ZNF837: variants seen among roughly 807,000 people sequenced by gnomAD.
The protein encoded by ZNF837 is zinc finger protein 837.
For synonymous variants in ZNF837, 475 were observed against 365.2 expected, an observed-to-expected ratio of 1.30 and a Z score of -3.43; for missense variants, 955 against 801.7, an observed-to-expected ratio of 1.19 and a Z score of -2.31.
chr19:58,368,823 G>A lies in ZNF837; in HGVS notation c.510C>T (p.Cys170=), dbSNP rs1289183084. 12 of 1,546,454 alleles carry A rather than the reference G, an allele frequency of 7.8e-6. No homozygotes were observed. Among genetic ancestry groups the A allele is most frequent in the South Asian group, 3.6e-5 (3 of 84,048 alleles). ...AGGTCGGAGCGCCAGTCCCTGGTTG[G>A]CACGGCCAACAGTCCGTGTGGACCT... ...LCEVHTDCWP[C]QPGTGAPTCP... is the part of the protein sequence containing the mutation. Residue 170 remains cysteine (C), a synonymous_variant, in exon 3 of 3, where the codon TGC becomes TGT. Coordinates refer to ENST00000597582, the MANE Select transcript of ZNF837 (RefSeq NM_138466.2).
intron 1 of ZNF837, among the ~76,000 whole-genome samples, chr19:58,375,718 T>A (rs1384051490): frequency 6.6e-6 from 1 of 151,646 alleles, no homozygotes; most frequent in Non-Finnish European, 1.5e-5. Context: ...AGTGCTGGGA[T>A]TACAGGTGTG....
At chr19:58,375,895 GTTTA>G (rs926217192) in intron 1 of ZNF837, among the ~76,000 whole-genome samples, 29 of 151,836 alleles carry the variant, frequency 1.9e-4, no homozygotes, top group Admixed American at 1.7e-3. Flanking sequence ...GATGAAGGTG[GTTTA>G]TTTATTTATT....
chr19:58,378,663 A>T (rs1355132779), intron 1 of ZNF837, among the ~76,000 whole-genome samples: 1 of 152,188 alleles, frequency 6.6e-6, no homozygotes, highest in Non-Finnish European at 1.5e-5. Flanking sequence ...CAAAAGATAT[A>T]TCCAATGTCC....
At position 58,369,088 on chromosome 19, in the gene ZNF837, G is replaced by A; in HGVS notation, c.245C>T (p.Ala82Val). Reference sequence around the variant, plus strand: ...CTCCCGCACGAGGGGTCTGGTCCCGGCGCTGTGCCGGGTCCCCGGGCCGGG... The same window carrying A: ...CTCCCGCACGAGGGGTCTGGTCCCGACGCTGTGCCGGGTCCCCGGGCCGGG... The part of the protein sequence containing the change: ...VSPGPGTRHS[A>V]GTRPLVREPC... Residue 82 changes from alanine (A) to valine (V), a missense_variant, in exon 3 of 3, where the codon GCC becomes GTC. Coordinates refer to ENST00000597582, the MANE Select transcript of ZNF837 (RefSeq NM_138466.2). 1 of 1,513,828 alleles carries A rather than the reference G, an allele frequency of 6.6e-7. No homozygotes were observed. Among genetic ancestry groups the A allele is most frequent in the Non-Finnish European group, 8.8e-7 (1 of 1,130,940 alleles). 93.8% of individuals were successfully genotyped at this position (1,513,828 alleles called of 1,614,324 possible). A position where few individuals can be genotyped will look rare whatever the true frequency, so the allele number is the denominator to read the frequency against.
chr19:58,377,927 G>T (rs148567408), intron 1 of ZNF837, among the ~76,000 whole-genome samples: 1 of 152,164 alleles, frequency 6.6e-6, no homozygotes, highest in African/African-American at 2.4e-5. Context: ...TCTCTCTCTC[G>T]AGTCCATCTG....
intron 1 of ZNF837, among the ~76,000 whole-genome samples, chr19:58,370,981 C>G (rs887848418): frequency 4.6e-5 from 7 of 151,874 alleles, no homozygotes; most frequent in Admixed American, 2.0e-4. Flanking sequence ...GTGGCTCACG[C>G]CTGTAATCCC....
chr19:58,369,116 T>C lies in ZNF837; in HGVS notation c.217A>G (p.Ser73Gly). ...CTGTGCCGGGTCCCCGGGCCGGGGC[T>C]CACCCCGAGGCTGCAGCCCCGGGAG... The part of the protein sequence containing the change: ...GGSRGCSLGV[S>G]PGPGTRHSAG... The change falls in exon 3 of 3, where the codon AGC becomes GGC. Residue 73 changes from serine to glycine, a missense_variant. Coordinates refer to ENST00000597582, the MANE Select transcript of ZNF837 (RefSeq NM_138466.2). 1 of 1,495,122 alleles carries C rather than the reference T, an allele frequency of 6.7e-7. No homozygotes were observed. The highest frequency in any genetic ancestry group is 8.9e-7 in the Non-Finnish European group (1 of 1,123,340). 92.6% of individuals were successfully genotyped at this position (1,495,122 alleles called of 1,614,324 possible). A position where few individuals can be genotyped will look rare whatever the true frequency, so the allele number is the denominator to read the frequency against.
chr19:58,378,940 G>C (rs1486228330), intron 1 of ZNF837, among the ~76,000 whole-genome samples: 2 of 152,182 alleles, frequency 1.3e-5, no homozygotes, highest in Non-Finnish European at 2.9e-5. Flanking sequence ...ACCCAGAGCC[G>C]TCAGAGAGCA....
rs749225747 is a variant in ZNF837, at chr19:58,368,807, C to T, written c.526G>A (p.Ala176Thr). The change falls in exon 3 of 3, where the codon GCT becomes ACT. Residue 176 changes from alanine (A) to threonine (T), a missense_variant. By Grantham distance (58) the Ala-to-Thr change is moderately conservative. Coordinates refer to ENST00000597582, the MANE Select transcript of ZNF837 (RefSeq NM_138466.2). ...TTTGGGGTCCTCGGGCAGGTCGGAG[C>T]GCCAGTCCCTGGTTGGCACGGCCAA... ...DCWPCQPGTG[A>T]PTCPRTPKPT... The T allele has an allele frequency of 3.9e-6, 6 of 1,545,746 alleles. No individual in the cohort carries two copies. In the South Asian group the frequency reaches 5.9e-5, roughly 15 times the overall value.
intron 1 of ZNF837, among the ~76,000 whole-genome samples, chr19:58,378,373 G>T (rs1328302291): frequency 6.6e-6 from 1 of 152,198 alleles, no homozygotes; most frequent in Non-Finnish European, 1.5e-5. Flanking sequence ...GGGATGGAGG[G>T]ACTTGGGCAC....
rs115005100 is a variant in ZNF837, at chr19:58,380,116, C to T, written c.-140+825G>A. Among the ~76,000 whole-genome samples the T allele has an allele frequency of 6.2e-3, 938 of 152,288 alleles. 13 individuals are homozygous for T. The highest frequency in any genetic ancestry group is 0.022 in the African/African-American group (903 of 41,542). On this transcript the variant is annotated intron_variant, in intron 1 of 2. Coordinates refer to ENST00000597582, the MANE Select transcript of ZNF837 (RefSeq NM_138466.2). ...CTCAGCGTGGCTCCACCTCTCTGAGCCACAGACCAACCTCACCCACACTGA... is the reference window on the plus strand; with the variant it reads ...CTCAGCGTGGCTCCACCTCTCTGAGTCACAGACCAACCTCACCCACACTGA...
chr19:58,372,421 A>G (rs2052210077), intron 1 of ZNF837, among the ~76,000 whole-genome samples: 1 of 133,722 alleles, frequency 7.5e-6, no homozygotes, highest in African/African-American at 2.8e-5. Flanking sequence ...TAATCCCAAC[A>G]CTTGGGGAGT....
intron 2 of ZNF837, chr19:58,369,604 A>G (rs1363519529): frequency 5.9e-6 from 2 of 338,834 alleles, no homozygotes; most frequent in Non-Finnish European, 1.1e-5. Flanking sequence ...TTCCTCCCCA[A>G]CACTAGCTCC....
chr19:58,372,834 G>A (rs1293690973), intron 1 of ZNF837, among the ~76,000 whole-genome samples: 4 of 152,212 alleles, frequency 2.6e-5, no homozygotes, highest in Non-Finnish European at 5.9e-5. Flanking sequence ...ATGCAGAGTT[G>A]GACAAGTTCT....
At position 58,369,288 on chromosome 19, in the gene ZNF837, C is replaced by T. The variant is rs948947729; in HGVS notation, c.45G>A (p.Lys15=). 8.6e-6 allele frequency: 12 copies of T among 1,394,902 alleles called. No homozygotes were observed. The African/African-American group carries it at 1.2e-4, about 14-fold the overall frequency. 86.4% of individuals were successfully genotyped at this position (1,394,902 alleles called of 1,614,324 possible). A position where few individuals can be genotyped will look rare whatever the true frequency, so the allele number is the denominator to read the frequency against. The part of the protein sequence containing the change: ...AQKAGQGGLP[K]ADAQGASGAR... ...CCCCGGAGGCACCCTGGGCATCGGC[C>T]TTGGGGAGTCCTCCCTGCCCAGCCT... The change falls in exon 3 of 3, where the codon AAG becomes AAA. Residue 15 remains lysine (K), a synonymous_variant. Transcript: ENST00000597582.
intron 1 of ZNF837, among the ~76,000 whole-genome samples, chr19:58,374,063 G>T (rs2052222359): frequency 6.6e-6 from 1 of 152,206 alleles, no homozygotes; most frequent in Non-Finnish European, 1.5e-5. Context: ...CAAAAAAGAG[G>T]AAAGTACAGA....
chr19:58,369,156 A>T lies in ZNF837; in HGVS notation c.177T>A (p.Thr59=). ...AGCCCCGGGAGCCCCCGCCTGGGGG[A>T]GTCGTCCTACCGCCCGCCGCTCCAC... ...DLRGAAGGRT[T]PPGGGSRGCS... Residue 59 remains threonine (T), a synonymous_variant, in exon 3 of 3, where the codon ACT becomes ACA. Transcript: ENST00000597582. 1 of 1,452,244 alleles carries T rather than the reference A, an allele frequency of 6.9e-7. No homozygotes were observed. The highest frequency in any genetic ancestry group is 9.1e-7 in the Non-Finnish European group (1 of 1,103,640). 90.0% of individuals were successfully genotyped at this position (1,452,244 alleles called of 1,614,324 possible). A position where few individuals can be genotyped will look rare whatever the true frequency, so the allele number is the denominator to read the frequency against.
In ZNF837 at chr19:58,369,054, G is replaced by GCCGCACGGCTC. The variant is rs1201500027; in HGVS notation, c.268_278dup (p.Pro94SerfsTer317). 7.2e-6 allele frequency: 11 copies of GCCGCACGGCTC among 1,518,120 alleles called. No individual in the cohort carries two copies. In the African/African-American group the frequency reaches 1.4e-4, roughly 19 times the overall value. 94.0% of individuals were successfully genotyped at this position (1,518,120 alleles called of 1,614,324 possible). A position where few individuals can be genotyped will look rare whatever the true frequency, so the allele number is the denominator to read the frequency against. ...GCTCAGGGTTCTGAGAAGAGGTGGG[G>GCCGCACGGCTC]CCGCACGGCTCCCGCACGAGGGGTC... On this transcript the variant is annotated frameshift_variant, in exon 3 of 3. Transcript: ENST00000597582. LOFTEE classifies it low-confidence loss of function (END_TRUNC).
chr19:58,373,308 C>G (rs1458314331), intron 1 of ZNF837, among the ~76,000 whole-genome samples: 2 of 152,252 alleles, frequency 1.3e-5, no homozygotes, highest in Non-Finnish European at 2.9e-5. Context: ...ATGCCTTGGT[C>G]TCTCCACCTA....
Sources: allele counts gnomAD v4.1 joint callset (sites outside exome capture counted in the v4.1 genomes callset), GRCh38; gene constraint gnomAD v4.1.1; transcripts MANE v1.5; gene names NCBI Gene and HGNC (gene_info 2026-07-23, HGNC 2026-07-21).